ARHGEF3: variants seen among roughly 807,000 people sequenced by gnomAD.
ARHGEF3 encodes the protein 59.8 kDA protein.
Under a neutral mutation model 63.2 loss-of-function variants are expected in ARHGEF3, and 28 were observed. That is an observed-to-expected ratio of 0.44 (90% confidence interval 0.33 to 0.61). The LOEUF is 0.61. ARHGEF3 is among the 20% of genes least tolerant of loss of function. The probability of loss-of-function intolerance (pLI) is 0.03; values close to 1 mark genes in which losing one functional copy is unlikely to be tolerated. For synonymous variants in ARHGEF3, 266 were observed against 254.2 expected, an observed-to-expected ratio of 1.05 and a Z score of -0.44; for missense variants, 533 against 659.3, an observed-to-expected ratio of 0.81 and a Z score of 2.10.
intron 4 of ARHGEF3, among the ~76,000 whole-genome samples, chr3:56,846,193 T>C (rs539214238): frequency 2.6e-5 from 4 of 152,352 alleles, no homozygotes; most frequent in Non-Finnish European, 5.9e-5. Flanking sequence ...CCTTCTTCAC[T>C]CCAACCTAAG....
intron 3 of ARHGEF3, among the ~76,000 whole-genome samples, chr3:56,930,147 A>G (rs1479363606): frequency 6.6e-6 from 1 of 151,784 alleles, no homozygotes; most frequent in Non-Finnish European, 1.5e-5. Context: ...AAAACCATTC[A>G]TCTAATCCAA....
rs1223726363 is a variant in ARHGEF3 at position 56,859,535 on chromosome 3, C to CT, written c.192+22756dup. Among the ~76,000 whole-genome samples, 1,321 of 144,012 alleles carry CT rather than the reference C, an allele frequency of 9.2e-3. 21 individuals carry two copies. Among genetic ancestry groups the CT allele is most frequent in the African/African-American group, 0.03 (1,189 of 39,508 alleles). 94.5% of individuals were successfully genotyped at this position (144,012 alleles called of 152,430 possible). The stretch of plus-strand genomic sequence containing the variant: ...CCCTCTTGCCACCCCCTTGGTACAC[C>CT]TTTTTTTTTTTTGAGACAGGGTCTC... On this transcript the variant is annotated intron_variant, in intron 4 of 12. Coordinates refer to the ARHGEF3 transcript ENST00000338458.
rs374677472 is a variant in ARHGEF3 at position 56,773,826 on chromosome 3, T to TAAA, written c.97-13_97-11dup. Reference sequence around the variant, plus strand: ...GTTTATTACTAGGCTCCTATAGAGTTAAAAAAAAAAAAAAGTAAAATGTCA... The same window carrying TAAA: ...GTTTATTACTAGGCTCCTATAGAGTTAAAAAAAAAAAAAAAAAGTAAAATGTCA... On this transcript the variant is annotated splice_polypyrimidine_tract_variant and intron_variant, in intron 1 of 9. Coordinates refer to ENST00000296315, the MANE Select transcript of ARHGEF3 (RefSeq NM_019555.3). The TAAA allele has an allele frequency of 6.4e-5, 90 of 1,401,742 alleles. No individual in the cohort carries two copies. Among genetic ancestry groups the TAAA allele is most frequent in the Admixed American group, 9.4e-5 (4 of 42,542 alleles). The allele number at this position is 1,401,742 out of a possible 1,614,324, so 86.8% of individuals were successfully genotyped here. A position where few individuals can be genotyped will look rare whatever the true frequency, so the allele number is the denominator to read the frequency against.
Position 56,868,142 on chromosome 3 carries a change from C to G in ARHGEF3, c.192+14150G>C, listed in dbSNP as rs189211885. On this transcript the variant is annotated intron_variant, in intron 4 of 12. Transcript: ENST00000338458. The stretch of plus-strand genomic sequence containing the variant: ...ACATGAACAAAATGAAAGGTCCTCT[C>G]TAGATGTAAAAAACCCTAGTGATGT... Among the ~76,000 whole-genome samples, 8 of 152,230 alleles carry G rather than the reference C, an allele frequency of 5.3e-5. No individual in the cohort carries two copies. In the East Asian group the frequency reaches 1.5e-3, roughly 29 times the overall value.
At position 56,915,180 on chromosome 3, in the gene ARHGEF3, G is replaced by A. The variant is rs150489914; in HGVS notation, c.130-32826C>T. Among the ~76,000 whole-genome samples the A allele has an allele frequency of 6.6e-5, 10 of 152,206 alleles. No homozygotes were observed. In the East Asian group the frequency reaches 1.9e-3, roughly 29 times the overall value. ...AAAAAACAGTTTTGGCAGGCCAGGT[G>A]CAGTGGCTCATGCCTCTAACCCCAG... On this transcript the variant is annotated intron_variant, in intron 3 of 12. Transcript: ENST00000338458.
At chr3:57,017,595 G>T (rs1420509124) in intron 2 of ARHGEF3, among the ~76,000 whole-genome samples, 2 of 152,164 alleles carry the variant, frequency 1.3e-5, no homozygotes, top group Non-Finnish European at 2.9e-5. Flanking sequence ...GGTCCTTGAA[G>T]AAACAAACCC....
intron 4 of ARHGEF3, among the ~76,000 whole-genome samples, chr3:56,839,673 TAC>T (rs1435292267): frequency 1.3e-5 from 2 of 152,198 alleles, no homozygotes; most frequent in African/African-American, 4.8e-5. Flanking sequence ...TCAAATTGTC[TAC>T]ACTCTGCGCC....
intron 4 of ARHGEF3, among the ~76,000 whole-genome samples, chr3:56,814,518 A>G (rs1250737629): frequency 1.3e-5 from 2 of 152,224 alleles, no homozygotes; most frequent in Non-Finnish European, 2.9e-5. Flanking sequence ...AAGCATCTAT[A>G]AAATGGGGAT....
At chr3:56,769,329 C>A (rs2035884654) in intron 2 of ARHGEF3, among the ~76,000 whole-genome samples, 1 of 152,196 alleles carries the variant, frequency 6.6e-6, no homozygotes. Context: ...CATGAGGTCC[C>A]CTTTCAGAGC....
At chr3:56,797,922 G>A (rs2037452869) in intron 1 of ARHGEF3, among the ~76,000 whole-genome samples, 1 of 152,232 alleles carries the variant, frequency 6.6e-6, no homozygotes, top group Non-Finnish European at 1.5e-5. Context: ...ATTAAATGCT[G>A]GACGGAATCC....
intron 3 of ARHGEF3, among the ~76,000 whole-genome samples, chr3:56,893,550 A>C (rs1261888113): frequency 2.0e-5 from 3 of 152,162 alleles, no homozygotes; most frequent in African/African-American, 7.2e-5. Context: ...TCATGCCTGT[A>C]ATCTCAGCAC....
intron 4 of ARHGEF3, among the ~76,000 whole-genome samples, chr3:56,855,741 CT>C (rs2039850967): frequency 6.6e-6 from 1 of 151,982 alleles, no homozygotes; most frequent in Non-Finnish European, 1.5e-5. Context: ...CTCCTACCCC[CT>C]GTAAATGACT....
rs1431605808 is a variant in ARHGEF3 at position 56,751,422 on chromosome 3, AGC to A, written c.439-28_439-27del. ...CTGCACAAAAACGGCAAGAGATGGA[AGC>A]ACATGTTTAAAATCAGAGGAAGTAC... is the stretch of plus-strand genomic sequence containing the variant. On this transcript the variant is annotated intron_variant, in intron 4 of 9. Coordinates refer to ENST00000296315, the MANE Select transcript of ARHGEF3 (RefSeq NM_019555.3). The A allele has an allele frequency of 1.9e-6, 3 of 1,576,958 alleles. No homozygotes were observed. In the Admixed American group the frequency reaches 5.0e-5, roughly 26 times the overall value.
At chr3:56,822,562 A>C (rs2038548817) in intron 4 of ARHGEF3, among the ~76,000 whole-genome samples, 1 of 152,170 alleles carries the variant, frequency 6.6e-6, no homozygotes, top group African/African-American at 2.4e-5. Context: ...AATACACAAA[A>C]TAAAAATCAC....
chr3:57,074,720 G>A (rs1360828207), intron 1 of ARHGEF3: 1 of 185,916 alleles, frequency 5.4e-6, no homozygotes, highest in African/African-American at 2.4e-5. Flanking sequence ...GTAATCAAAT[G>A]ACATAGAAGA....
intron 1 of ARHGEF3, chr3:57,074,854 T>C (rs1706137375): frequency 5.9e-6 from 1 of 168,132 alleles, no homozygotes; most frequent in African/African-American, 2.4e-5. Context: ...AACACATTGC[T>C]CAGGTCTCAC....
At chr3:57,067,118 A>AT (rs1214574807) in intron 1 of ARHGEF3, among the ~76,000 whole-genome samples, 2 of 152,192 alleles carry the variant, frequency 1.3e-5, no homozygotes, top group Admixed American at 1.3e-4. Flanking sequence ...GAATAAAAAT[A>AT]TATTTTTTAA....
chr3:57,025,023 T>C (rs116414537), intron 2 of ARHGEF3, among the ~76,000 whole-genome samples: 1 of 152,282 alleles, frequency 6.6e-6, no homozygotes, highest in African/African-American at 2.4e-5. Context: ...TTGAAGTTCA[T>C]GGAACTGGAG....
chr3:57,073,563 T>G (rs1335429449), intron 1 of ARHGEF3: 7 of 1,405,330 alleles, frequency 5.0e-6, no homozygotes, highest in Non-Finnish European at 5.6e-6. Flanking sequence ...GGTGGTGGGG[T>G]GTGGCTGAAG....
Sources: gnomAD v4.1 joint callset for allele counts (sites outside exome capture counted in the v4.1 genomes callset) on GRCh38, gnomAD v4.1.1 for gene constraint, MANE v1.5 for transcripts, NCBI Gene and HGNC (gene_info 2026-07-23, HGNC 2026-07-21) for gene names.